TCF4: variants seen among roughly 807,000 people sequenced by gnomAD.
TCF4 encodes the protein transcription factor 4, also known as SL3-3 enhancer factor 2.
TCF4 carries 3 observed loss-of-function variants against 82.1 expected under a neutral mutation model. That is an observed-to-expected ratio of 0.04 (90% CI 0.02 to 0.09). The LOEUF is 0.09. Among genes scored for constraint, TCF4 ranks in the 10% least tolerant of loss-of-function variants. The pLI is 1.00. For synonymous variants in TCF4, 276 were observed against 309.6 expected, an observed-to-expected ratio of 0.89 and a Z score of 1.14; for missense variants, 518 against 852.7, an observed-to-expected ratio of 0.61 and a Z score of 4.89.
At chr18:55,588,604 T>G, upstream of TCF4, 1 of 1,503,598 alleles carries the variant, frequency 6.7e-7, no homozygotes, top group East Asian at 2.5e-5. Flanking sequence ...TTACTCTCGT[T>G]CCCTCTCACT....
At chr18:55,229,178 C>CAT in intron 17 of TCF4, 102 bp from the exon 18 acceptor site, 1 of 1,376,906 alleles carries the variant, frequency 7.3e-7, no homozygotes. Context: ...ACTTTTCCAT[C>CAT]TTATGCCATG....
intron 13 of TCF4, chr18:55,257,610 G>T (rs2057162751): frequency 1.7e-6 from 1 of 591,354 alleles, no homozygotes; most frequent in East Asian, 2.8e-5. Context: ...ATTCCCCCAG[G>T]CTGGCTGTCT....
At chr18:55,434,580 C>T (rs1017794238) in intron 5 of TCF4, among the ~76,000 whole-genome samples, 16 of 151,420 alleles carry the variant, frequency 1.1e-4, no homozygotes, top group South Asian at 6.3e-4. Flanking sequence ...CCACCACGCC[C>T]GGCTAATTTT....
intron 6 of TCF4, among the ~76,000 whole-genome samples, chr18:55,386,736 C>G (rs1460050549): frequency 6.6e-6 from 1 of 152,194 alleles, no homozygotes; most frequent in East Asian, 1.9e-4. Flanking sequence ...AAGAGCAGCT[C>G]CCGGAGTGCT....
At chr18:55,626,393 T>C (rs528211998) in intron 2 of TCF4, among the ~76,000 whole-genome samples, 1 of 152,298 alleles carries the variant, frequency 6.6e-6, no homozygotes, top group African/African-American at 2.4e-5. Context: ...GAATACTATA[T>C]CCTGTTGAAA....
At chr18:55,584,396 T>C (rs111766289) in intron 3 of TCF4, among the ~76,000 whole-genome samples, 3 of 152,290 alleles carry the variant, frequency 2.0e-5, no homozygotes, top group African/African-American at 7.2e-5. Context: ...TTAACAAGCA[T>C]AAATGGACTT....
At chr18:55,501,792 C>A (rs1211108501) in intron 3 of TCF4, among the ~76,000 whole-genome samples, 1 of 152,022 alleles carries the variant, frequency 6.6e-6, no homozygotes, top group Non-Finnish European at 1.5e-5. Context: ...TCCACCGCAT[C>A]CCCATATCAT....
chr18:55,228,368 A>G lies in TCF4; in HGVS notation c.1880-7T>C. 6.2e-7 allele frequency: 1 copy of G among 1,613,688 alleles called. No homozygotes were observed. The highest frequency in any genetic ancestry group is 8.5e-7 in the Non-Finnish European group (1 of 1,180,010). ...TTCGGATTCAGATTCCTTTCTGTGG[A>G]GGATTAAAGCACAGAACCTTTGTTT... On this transcript the variant is annotated splice_polypyrimidine_tract_variant and splice_region_variant and intron_variant, in intron 18 of 19. Coordinates refer to ENST00000354452, the MANE Select transcript of TCF4 (RefSeq NM_001083962.2).
In TCF4 at chr18:55,597,578, A is replaced by C. The variant is rs149703466; in HGVS notation, c.287-10442T>G. Among the ~76,000 whole-genome samples, 409 of 152,158 alleles carry C rather than the reference A, an allele frequency of 2.7e-3. 6 individuals carry two copies. The highest frequency in any genetic ancestry group is 3.3e-3 in the East Asian group (17 of 5,166). On this transcript the variant is annotated intron_variant, in intron 2 of 20. Coordinates refer to the TCF4 transcript ENST00000398339. ...GCTACTCAGGAGGCCAAGGCACGAG[A>C]ATCACTTGAACCTGGGAAGCGGAGG...
intron 3 of TCF4, among the ~76,000 whole-genome samples, chr18:55,575,254 A>T (rs1364533216): frequency 6.6e-6 from 1 of 152,250 alleles, no homozygotes; most frequent in African/African-American, 2.4e-5. Flanking sequence ...ACAGAAAAGC[A>T]TTCAATGGTT....
At chr18:55,513,133 C>A (rs1298864048) in intron 3 of TCF4, among the ~76,000 whole-genome samples, 1 of 152,138 alleles carries the variant, frequency 6.6e-6, no homozygotes, top group Non-Finnish European at 1.5e-5. Flanking sequence ...TGCAAATCTT[C>A]ACCTGGCATG....
intron 8 of TCF4, among the ~76,000 whole-genome samples, chr18:55,281,287 G>T (rs999815718): frequency 1.3e-5 from 2 of 152,094 alleles, no homozygotes; most frequent in African/African-American, 4.8e-5. Flanking sequence ...ATTTTCTTGA[G>T]AACTATTAAC....
At chr18:55,556,749 A>G (rs900444163) in intron 3 of TCF4, among the ~76,000 whole-genome samples, 3 of 152,220 alleles carry the variant, frequency 2.0e-5, no homozygotes, top group African/African-American at 7.2e-5. Flanking sequence ...AAAGTTACTC[A>G]TGTTGCTAAT....
chr18:55,613,199 T>C (rs888077893), intron 2 of TCF4, among the ~76,000 whole-genome samples: 1 of 151,978 alleles, frequency 6.6e-6, no homozygotes, highest in African/African-American at 2.4e-5. Flanking sequence ...AATAAGAAAA[T>C]GCACATGTCA....
At chr18:55,583,210 T>C (rs1234710585) in intron 3 of TCF4, among the ~76,000 whole-genome samples, 1 of 152,134 alleles carries the variant, frequency 6.6e-6, no homozygotes, top group African/African-American at 2.4e-5. Flanking sequence ...AAAACACCAT[T>C]TCTGGTACAA....
At chr18:55,288,136 G>A (rs900814662) in intron 8 of TCF4, among the ~76,000 whole-genome samples, 13 of 152,092 alleles carry the variant, frequency 8.5e-5, no homozygotes, top group South Asian at 2.1e-4. Flanking sequence ...CTGCTATGAC[G>A]TCATAGTGAT....
chr18:55,536,581 T>C (rs2097116645), intron 3 of TCF4, among the ~76,000 whole-genome samples: 1 of 152,186 alleles, frequency 6.6e-6, no homozygotes. Flanking sequence ...AAATGTATAG[T>C]TATTAGAATG....
At chr18:55,494,505 G>C (rs953019578) in intron 3 of TCF4, among the ~76,000 whole-genome samples, 4 of 151,922 alleles carry the variant, frequency 2.6e-5, no homozygotes, top group Non-Finnish European at 4.4e-5. Flanking sequence ...GCATTTAAAG[G>C]GTTGCCTCAC....
intron 3 of TCF4, among the ~76,000 whole-genome samples, chr18:55,563,982 T>C (rs980589881): frequency 6.6e-6 from 1 of 152,218 alleles, no homozygotes; most frequent in Non-Finnish European, 1.5e-5. Context: ...CAGCAGATTC[T>C]ATTCAAAATA....
Sources: gnomAD v4.1 joint callset for allele counts (sites outside exome capture counted in the v4.1 genomes callset) on GRCh38, gnomAD v4.1.1 for gene constraint, MANE v1.5 for transcripts, NCBI Gene and HGNC (gene_info 2026-07-23, HGNC 2026-07-21) for gene names.